SND1: variants seen among roughly 807,000 people sequenced by gnomAD.
The protein encoded by SND1 is staphylococcal nuclease and tudor domain containing 1, also known as staphylococcal nuclease domain-containing protein 1.
Under a neutral mutation model 121.7 loss-of-function variants are expected in SND1, and 38 were observed. The observed-to-expected ratio is 0.31, with a 90% confidence interval of 0.24 to 0.41. The LOEUF is 0.41. Ranked by LOEUF, SND1 falls within the 10% of genes least tolerant of loss-of-function variation. The pLI is 1.00. For synonymous variants in SND1, 401 were observed against 447.4 expected (o/e 0.90, Z 1.31); for missense variants, 868 against 1,184.6 (o/e 0.73, Z 3.92).
At chr7:127,981,119 T>C (rs1802249075) in intron 15 of SND1, among the ~76,000 whole-genome samples, 1 of 152,252 alleles carries the variant, frequency 6.6e-6, no homozygotes, top group African/African-American at 2.4e-5. Context: ...ACAGTGCCAC[T>C]GTGTTACATA....
At chr7:128,043,206 C>G (rs1345171833) in intron 16 of SND1, among the ~76,000 whole-genome samples, 1 of 152,086 alleles carries the variant, frequency 6.6e-6, no homozygotes, top group Non-Finnish European at 1.5e-5. Context: ...TCTCTCTCCC[C>G]TCTCATATTT....
chr7:127,790,624 T>G (rs1563014424), intron 10 of SND1, among the ~76,000 whole-genome samples: 2 of 152,222 alleles, frequency 1.3e-5, no homozygotes. Flanking sequence ...GAGGGTTAAA[T>G]GAGCATAGTG....
chr7:127,688,238 C>A (rs1795851166), intron 2 of SND1, among the ~76,000 whole-genome samples: 1 of 152,060 alleles, frequency 6.6e-6, no homozygotes, highest in African/African-American at 2.4e-5. Flanking sequence ...TCCCTCACAC[C>A]CCTCAGCCTC....
intron 13 of SND1, among the ~76,000 whole-genome samples, chr7:127,889,951 A>C (rs1799979818): frequency 6.6e-6 from 1 of 152,056 alleles, no homozygotes; most frequent in Non-Finnish European, 1.5e-5. Flanking sequence ...GTTACTTCCA[A>C]GTTTTGGCTG....
chr7:127,758,061 G>A (rs1465894522), intron 10 of SND1, among the ~76,000 whole-genome samples: 1 of 152,186 alleles, frequency 6.6e-6, no homozygotes, highest in Non-Finnish European at 1.5e-5. Context: ...AGGTTTCCTT[G>A]TAAGGCACCC....
chr7:127,975,332 GGCGCGCGCGCATGTGCGCAC>G (rs1802088559), intron 15 of SND1, among the ~76,000 whole-genome samples: 1 of 152,006 alleles, frequency 6.6e-6, no homozygotes, highest in Non-Finnish European at 1.5e-5. Flanking sequence ...TGTATGTGTG[GGCGCGCGCGCATGTGCGCAC>G]GCGCGTGTGT....
intron 10 of SND1, among the ~76,000 whole-genome samples, chr7:127,769,245 AGT>A (rs1797471948): frequency 6.6e-6 from 1 of 150,388 alleles, no homozygotes; most frequent in Non-Finnish European, 1.5e-5. Flanking sequence ...TATTAGGTAG[AGT>A]GTTTTTTTTT....
At chr7:127,945,741 G>A (rs550887269) in intron 15 of SND1, among the ~76,000 whole-genome samples, 3 of 152,104 alleles carry the variant, frequency 2.0e-5, no homozygotes, top group Non-Finnish European at 2.9e-5. Context: ...TTCATTCCAC[G>A]TCTGAGTTTC....
At chr7:127,748,446 G>A (rs536699882) in intron 10 of SND1, among the ~76,000 whole-genome samples, 1 of 152,240 alleles carries the variant, frequency 6.6e-6, no homozygotes, top group East Asian at 1.9e-4. Flanking sequence ...CTGATTGTCT[G>A]GATCGGAATT....
chr7:127,660,270 CTG>C (rs1795285606), intron 1 of SND1, among the ~76,000 whole-genome samples: 1 of 152,082 alleles, frequency 6.6e-6, no homozygotes, highest in South Asian at 2.1e-4. Context: ...CTTCAGAACA[CTG>C]TGACATTTTC....
chr7:127,697,031 G>T (rs1467419188), intron 3 of SND1, among the ~76,000 whole-genome samples: 1 of 152,178 alleles, frequency 6.6e-6, no homozygotes. Flanking sequence ...ATTAGCATTT[G>T]TGTTTATTTT....
At chr7:128,034,928 T>G (rs1236135031) in intron 16 of SND1, among the ~76,000 whole-genome samples, 4 of 152,214 alleles carry the variant, frequency 2.6e-5, no homozygotes, top group African/African-American at 4.8e-5. Flanking sequence ...TCTGACTGCT[T>G]CTTGGATTTG....
intron 15 of SND1, among the ~76,000 whole-genome samples, chr7:127,969,150 T>C (rs928071251): frequency 5.9e-5 from 9 of 152,076 alleles, no homozygotes; most frequent in African/African-American, 2.2e-4. Flanking sequence ...TAGTTGGTGG[T>C]GGGTAGGTGG....
At chr7:127,842,255 C>T (rs906419997) in intron 11 of SND1, among the ~76,000 whole-genome samples, 1 of 152,150 alleles carries the variant, frequency 6.6e-6, no homozygotes, top group Non-Finnish European at 1.5e-5. Flanking sequence ...AGAAGGCTTC[C>T]GTCTCCTTGA....
intron 2 of SND1, among the ~76,000 whole-genome samples, chr7:127,689,822 T>C (rs1254168764): frequency 6.6e-6 from 1 of 152,074 alleles, no homozygotes; most frequent in East Asian, 1.9e-4. Context: ...CTCACCCTGC[T>C]GTGATTTGGT....
intron 14 of SND1, among the ~76,000 whole-genome samples, chr7:127,905,531 A>G (rs1009616997): frequency 6.6e-6 from 1 of 152,162 alleles, no homozygotes; most frequent in African/African-American, 2.4e-5. Context: ...TGAGAATATA[A>G]CAATGAAGAA....
At chr7:127,903,188 T>A (rs1800270689) in intron 13 of SND1, among the ~76,000 whole-genome samples, 3 of 152,066 alleles carry the variant, frequency 2.0e-5, no homozygotes, top group Non-Finnish European at 2.9e-5. Flanking sequence ...AGCCCGATTT[T>A]TTTTTATTTT....
chr7:127,910,158 G>T (rs368771343), intron 14 of SND1, among the ~76,000 whole-genome samples: 31 of 152,278 alleles, frequency 2.0e-4, no homozygotes, highest in African/African-American at 7.5e-4. Flanking sequence ...GTTTTAAAAA[G>T]CCCAGGCACG....
At chr7:128,046,810 G>T (rs1792957526) in intron 16 of SND1, among the ~76,000 whole-genome samples, 1 of 152,150 alleles carries the variant, frequency 6.6e-6, no homozygotes, top group African/African-American at 2.4e-5. Flanking sequence ...CTTTGAATAT[G>T]AATTAAGCAG....
Sources: gnomAD v4.1 joint callset for allele counts (sites outside exome capture counted in the v4.1 genomes callset) on GRCh38, gnomAD v4.1.1 for gene constraint, MANE v1.5 for transcripts, NCBI Gene and HGNC (gene_info 2026-07-23, HGNC 2026-07-21) for gene names.